The following SEMA6D variants were observed in gnomAD, a reference collection of about 807,000 sequenced individuals.
The protein encoded by SEMA6D is semaphorin 6D.
Under a neutral mutation model 106.6 loss-of-function variants are expected in SEMA6D, and 35 were observed. The observed-to-expected ratio is 0.33, with a 90% CI of 0.25 to 0.44. The LOEUF is 0.44. SEMA6D is among the 20% of genes least tolerant of loss of function. The pLI is 1.00. For missense variants in SEMA6D, 1,185 were observed against 1,345.9 expected (o/e 0.88, Z 1.87); for synonymous variants, 499 against 487.7 (o/e 1.02, Z -0.31).
At chr15:47,211,775 G>T (rs1263977664) in intron 1 of SEMA6D, among the ~76,000 whole-genome samples, 1 of 152,004 alleles carries the variant, frequency 6.6e-6, no homozygotes, top group Admixed American at 6.6e-5. Context: ...GGAAAGAAAA[G>T]AAACAGATAA....
intron 1 of SEMA6D, among the ~76,000 whole-genome samples, chr15:47,298,258 C>G (rs1009101961): frequency 2.4e-4 from 37 of 152,084 alleles, no homozygotes; most frequent in Non-Finnish European, 4.7e-4. Context: ...CTGTGGAGCT[C>G]CCAGGTGTGG....
chr15:47,680,478 A>G (rs1161294261), intron 4 of SEMA6D, among the ~76,000 whole-genome samples: 1 of 152,196 alleles, frequency 6.6e-6, no homozygotes, highest in Non-Finnish European at 1.5e-5. Flanking sequence ...ACTGGTTAGC[A>G]TATTGCCCTT....
At chr15:47,378,721 G>C (rs2039536687) in intron 1 of SEMA6D, among the ~76,000 whole-genome samples, 1 of 152,208 alleles carries the variant, frequency 6.6e-6, no homozygotes, top group South Asian at 2.1e-4. Context: ...GACTTAATCA[G>C]TTCTGCAATC....
intron 1 of SEMA6D, among the ~76,000 whole-genome samples, chr15:47,374,100 C>T (rs1465944488): frequency 6.6e-6 from 1 of 152,190 alleles, no homozygotes; most frequent in East Asian, 1.9e-4. Context: ...AAAAGGATAA[C>T]ATTCGCTGGA....
chr15:47,338,868 T>C (rs970070299), intron 1 of SEMA6D, among the ~76,000 whole-genome samples: 1 of 152,178 alleles, frequency 6.6e-6, no homozygotes, highest in Non-Finnish European at 1.5e-5. Context: ...AGGATTCTAA[T>C]CTGATTGTAG....
At chr15:47,593,678 A>G (rs1333940176) in intron 3 of SEMA6D, among the ~76,000 whole-genome samples, 1 of 152,180 alleles carries the variant, frequency 6.6e-6, no homozygotes, top group East Asian at 1.9e-4. Flanking sequence ...TTTATAAAGA[A>G]AAGAGATTTA....
chr15:47,746,574 G>A (rs1015620341), intron 1 of SEMA6D, among the ~76,000 whole-genome samples: 2 of 152,208 alleles, frequency 1.3e-5, no homozygotes, highest in Non-Finnish European at 2.9e-5. Context: ...CAAGTCAGTA[G>A]CATCAGAACA....
At chr15:47,227,964 TTA>T (rs1491448361) in intron 1 of SEMA6D, among the ~76,000 whole-genome samples, 1 of 142,696 alleles carries the variant, frequency 7.0e-6, no homozygotes, top group Non-Finnish European at 1.5e-5. Context: ...TGTAAGAATC[TTA>T]TATATATTTT....
intron 3 of SEMA6D, among the ~76,000 whole-genome samples, chr15:47,566,567 T>C (rs2046234777): frequency 6.6e-6 from 1 of 152,242 alleles, no homozygotes; most frequent in East Asian, 1.9e-4. Context: ...AGAGTCATTT[T>C]CAAGAGCTTC....
At position 47,735,173 on chromosome 15, in the gene SEMA6D, T is replaced by G. The variant is rs1596867090; in HGVS notation, c.-55+17481T>G. Among the ~76,000 whole-genome samples, 3 of 152,330 alleles carry G rather than the reference T, an allele frequency of 2.0e-5. No individual in the cohort carries two copies. The South Asian group carries it at 6.2e-4, about 32-fold the overall frequency. On this transcript the variant is annotated intron_variant, in intron 1 of 18. Coordinates refer to ENST00000536845, the MANE Select transcript of SEMA6D (RefSeq NM_001358351.3). The stretch of plus-strand genomic sequence containing the variant: ...GTTGGGAGATTATAATAAAAATATG[T>G]TGCCAGCCCTCTGGCATGGGCACTA...
intron 13 of SEMA6D, chr15:47,765,430 G>A: frequency 9.9e-7 from 1 of 1,011,246 alleles, no homozygotes; most frequent in Non-Finnish European, 1.2e-6. Context: ...TGCAGTACTA[G>A]TTAAGTATTT....
At chr15:47,526,188 G>A (rs2044749719) in intron 3 of SEMA6D, among the ~76,000 whole-genome samples, 4 of 152,188 alleles carry the variant, frequency 2.6e-5, no homozygotes, top group Admixed American at 2.6e-4. Context: ...CATTCCTGCA[G>A]GACTTTGCTC....
intron 4 of SEMA6D, among the ~76,000 whole-genome samples, chr15:47,700,942 T>C (rs769057840): frequency 2.0e-5 from 3 of 152,178 alleles, no homozygotes; most frequent in Non-Finnish European, 2.9e-5. Context: ...ACAGAGACCT[T>C]ATACCTTTCA....
intron 3 of SEMA6D, among the ~76,000 whole-genome samples, chr15:47,529,601 A>C (rs2044880901): frequency 2.4e-5 from 1 of 41,340 alleles, no homozygotes; most frequent in Non-Finnish European, 4.6e-5. Context: ...TATCTGTAGC[A>C]CTAAAAAAAA....
In SEMA6D at chr15:47,764,814, C is replaced by T. The variant is rs201126663; in HGVS notation, c.1253+21C>T. ...GTCAGGTGAGATTGTGTGTGAAACACTCCTTCCTATTCAACGTTTTCTCTG... is the reference window on the plus strand; with the variant it reads ...GTCAGGTGAGATTGTGTGTGAAACATTCCTTCCTATTCAACGTTTTCTCTG... On this transcript the variant is annotated intron_variant, in intron 12 of 18. Transcript: ENST00000536845. The T allele has an allele frequency of 1.3e-5, 21 of 1,613,626 alleles. No homozygotes were observed. In the African/African-American group the frequency reaches 1.9e-4, roughly 14 times the overall value.
At chr15:47,684,073 G>A (rs542192185) in intron 4 of SEMA6D, among the ~76,000 whole-genome samples, 2 of 152,196 alleles carry the variant, frequency 1.3e-5, no homozygotes, top group South Asian at 4.1e-4. Context: ...AGCAGATTTG[G>A]CAGAAAGAAC....
At chr15:47,736,573 T>G (rs1449652828) in intron 1 of SEMA6D, among the ~76,000 whole-genome samples, 1 of 152,188 alleles carries the variant, frequency 6.6e-6, no homozygotes, top group East Asian at 1.9e-4. Context: ...TGGATCGTGG[T>G]GATGTAGGGT....
intron 3 of SEMA6D, among the ~76,000 whole-genome samples, chr15:47,500,210 G>T (rs183738557): frequency 6.6e-5 from 10 of 152,090 alleles, no homozygotes; most frequent in African/African-American, 2.2e-4. Flanking sequence ...GACACTTCCT[G>T]GGTCACACAG....
chr15:47,492,837 A>G (rs999810890), intron 3 of SEMA6D, among the ~76,000 whole-genome samples: 6 of 152,280 alleles, frequency 3.9e-5, no homozygotes, highest in Admixed American at 1.3e-4. Flanking sequence ...GAAAGAGTCA[A>G]CATTTTGCAT....
Sources: gnomAD v4.1 joint callset for allele counts (sites outside exome capture counted in the v4.1 genomes callset) on GRCh38, gnomAD v4.1.1 for gene constraint, MANE v1.5 for transcripts, NCBI Gene and HGNC (gene_info 2026-07-23, HGNC 2026-07-21) for gene names.